The following GRID1 variants were observed in gnomAD, a reference collection of about 807,000 sequenced individuals.
GRID1 encodes glutamate receptor ionotropic, delta-1.
GRID1 carries 28 observed loss-of-function variants against 98.0 expected under a neutral mutation model. The ratio of observed to expected loss-of-function variants is 0.29; its 90% CI spans 0.21 to 0.39. GRID1 has a LOEUF of 0.39. GRID1 is among the 10% of genes least tolerant of loss of function. The pLI is 1.00. For missense variants in GRID1, 1,111 were observed against 1,340.5 expected, an observed-to-expected ratio of 0.83 and a Z score of 2.67; for synonymous variants, 553 against 538.5, an observed-to-expected ratio of 1.03 and a Z score of -0.37.
intron 2 of GRID1, among the ~76,000 whole-genome samples, chr10:86,296,754 A>AATAC (rs1012077199): frequency 6.7e-6 from 1 of 149,356 alleles, no homozygotes. Flanking sequence ...TAAATATATA[A>AATAC]ATACATACAT....
intron 12 of GRID1, among the ~76,000 whole-genome samples, chr10:85,650,946 A>C (rs1843260294): frequency 6.6e-6 from 1 of 152,194 alleles, no homozygotes; most frequent in Non-Finnish European, 1.5e-5. Context: ...AGTAGCTCTC[A>C]AAGTGTGATC....
chr10:86,189,288 G>A (rs1185361061), intron 3 of GRID1, among the ~76,000 whole-genome samples: 1 of 151,978 alleles, frequency 6.6e-6, no homozygotes, highest in Non-Finnish European at 1.5e-5. Context: ...GGGAACTTCT[G>A]ATGTCAACCT....
intron 8 of GRID1, among the ~76,000 whole-genome samples, chr10:85,776,708 G>A (rs545664098): frequency 2.6e-5 from 4 of 152,334 alleles, no homozygotes; most frequent in Non-Finnish European, 4.4e-5. Context: ...CGGTGATCCA[G>A]GTGCCCAACA....
chr10:85,946,206 CA>C (rs1455599974), intron 4 of GRID1, among the ~76,000 whole-genome samples: 1 of 152,116 alleles, frequency 6.6e-6, no homozygotes, highest in African/African-American at 2.4e-5. Flanking sequence ...ATTTTCTCCC[CA>C]TTTCATTACA....
At chr10:85,716,303 C>T (rs962648503) in intron 12 of GRID1, among the ~76,000 whole-genome samples, 3 of 151,996 alleles carry the variant, frequency 2.0e-5, no homozygotes, top group Non-Finnish European at 2.9e-5. Context: ...AGCAAACTAT[C>T]GCAAGGACAA....
intron 12 of GRID1, among the ~76,000 whole-genome samples, chr10:85,722,511 GA>G (rs1564570231): frequency 6.6e-6 from 1 of 151,952 alleles, no homozygotes; most frequent in African/African-American, 2.4e-5. Flanking sequence ...TAAACATGAA[GA>G]CACATTTTTA....
At position 85,695,674 on chromosome 10, in the gene GRID1, T is replaced by C. The variant is rs965518094; in HGVS notation, c.1997+27329A>G. On this transcript the variant is annotated intron_variant, in intron 12 of 15. Transcript: ENST00000327946. ...ATTTGACCTTAAGAAAAAGATGTCC[T>C]GTCAACGCTTTGCCCAGTAGGATAC... 7.9e-5 allele frequency among the ~76,000 whole-genome samples: 12 copies of C among 152,170 alleles called. No individual in the cohort carries two copies. The South Asian group carries it at 1.7e-3, about 21-fold the overall frequency.
At chr10:86,087,241 T>C in intron 4 of GRID1, among the ~76,000 whole-genome samples, 1 of 152,088 alleles carries the variant, frequency 6.6e-6, no homozygotes. Flanking sequence ...TGTCTGTGTG[T>C]CTGTCGGGGG....
At chr10:86,033,134 C>G (rs1843210156) in intron 4 of GRID1, among the ~76,000 whole-genome samples, 1 of 152,002 alleles carries the variant, frequency 6.6e-6, no homozygotes, top group Non-Finnish European at 1.5e-5. Context: ...TTTGCTCTTT[C>G]TTCAGTAACG....
At chr10:85,918,146 G>T (rs908536372) in intron 4 of GRID1, among the ~76,000 whole-genome samples, 1 of 151,958 alleles carries the variant, frequency 6.6e-6, no homozygotes, top group Non-Finnish European at 1.5e-5. Context: ...CTTATCAAAT[G>T]TGCACAGATG....
intron 4 of GRID1, among the ~76,000 whole-genome samples, chr10:86,109,226 G>T (rs1319476347): frequency 2.0e-5 from 3 of 152,226 alleles, no homozygotes; most frequent in East Asian, 3.8e-4. Flanking sequence ...ACTCCAGCGA[G>T]GGCCTCAGCC....
intron 8 of GRID1, among the ~76,000 whole-genome samples, chr10:85,732,874 A>T (rs1342434454): frequency 2.0e-5 from 3 of 152,162 alleles, no homozygotes; most frequent in Non-Finnish European, 4.4e-5. Context: ...GTTACAGTAC[A>T]CTAAAATCCC....
intron 4 of GRID1, among the ~76,000 whole-genome samples, chr10:86,129,562 T>G (rs541122981): frequency 9.8e-5 from 15 of 152,296 alleles, no homozygotes; most frequent in Admixed American, 9.8e-4. Flanking sequence ...GTGAACTTGA[T>G]AAATAAAGCC....
chr10:85,802,141 T>G (rs1842582186), intron 8 of GRID1, among the ~76,000 whole-genome samples: 1 of 152,140 alleles, frequency 6.6e-6, no homozygotes, highest in African/African-American at 2.4e-5. Context: ...AAACAAGACA[T>G]AATATGGTAA....
intron 2 of GRID1, among the ~76,000 whole-genome samples, chr10:86,302,573 C>G (rs888839752): frequency 2.0e-5 from 3 of 152,078 alleles, no homozygotes; most frequent in Non-Finnish European, 4.4e-5. Flanking sequence ...CACACAGCAC[C>G]CCCAATCCTG....
rs144834576 is a variant in GRID1 at position 86,334,482 on chromosome 10, G to A, written c.235+29459C>T. On this transcript the variant is annotated intron_variant, in intron 2 of 15. Transcript: ENST00000327946. ...TGTCACTTGCTCAATTATGACTAACGCTCCTTGCCTGGTTATGGTTCGTGT... is the reference window on the plus strand; with the variant it reads ...TGTCACTTGCTCAATTATGACTAACACTCCTTGCCTGGTTATGGTTCGTGT... Among the ~76,000 whole-genome samples, 13 of 152,162 alleles carry A rather than the reference G, an allele frequency of 8.5e-5. No homozygotes were observed. In the South Asian group the frequency reaches 2.1e-3, roughly 24 times the overall value.
chr10:86,001,047 T>C (rs2131874783), intron 4 of GRID1, among the ~76,000 whole-genome samples: 1 of 152,316 alleles, frequency 6.6e-6, no homozygotes, highest in South Asian at 2.1e-4. Flanking sequence ...CATATCAATG[T>C]GGATGAATCT....
At position 86,318,422 on chromosome 10, in the gene GRID1, G is replaced by A. The variant is rs375992145; in HGVS notation, c.235+45519C>T. Among the ~76,000 whole-genome samples the A allele has an allele frequency of 2.1e-4, 32 of 152,358 alleles. No homozygotes were observed. The East Asian group carries it at 4.6e-3, about 22-fold the overall frequency. ...CGTGCTCTGCTGCAGTGGCTACTCC[G>A]AAGGTCCTGCCCTCTGCCTGCCAGG... On this transcript the variant is annotated intron_variant, in intron 2 of 15. Coordinates refer to ENST00000327946, the MANE Select transcript of GRID1 (RefSeq NM_017551.3).
intron 4 of GRID1, among the ~76,000 whole-genome samples, chr10:85,988,470 A>G (rs1842639070): frequency 6.6e-6 from 1 of 152,240 alleles, no homozygotes; most frequent in Non-Finnish European, 1.5e-5. Flanking sequence ...ATTTACAAGA[A>G]GAGAAGTAAC....
Sources: allele counts gnomAD v4.1 joint callset (sites outside exome capture counted in the v4.1 genomes callset), GRCh38; gene constraint gnomAD v4.1.1; transcripts MANE v1.5; gene names NCBI Gene and HGNC (gene_info 2026-07-23, HGNC 2026-07-21).